FAM124A: variants seen among roughly 807,000 people sequenced by gnomAD.
FAM124A encodes protein FAM124A.
A neutral mutation model predicts 24.5 loss-of-function variants in FAM124A; 23 were observed. The ratio of observed to expected loss-of-function variants is 0.94; its 90% confidence interval spans 0.68 to 1.33. The LOEUF (loss-of-function observed/expected upper bound fraction) is 1.33. Among genes scored for constraint, FAM124A ranks in the 40% most tolerant of loss-of-function variants. The pLI, the probability that FAM124A is intolerant of heterozygous loss-of-function variation, is 0.00. For synonymous variants in FAM124A, 287 were observed against 314.7 expected, an observed-to-expected ratio of 0.91 and a Z score of 0.93; for missense variants, 623 against 722.8, an observed-to-expected ratio of 0.86 and a Z score of 1.58.
intron 3 of FAM124A, among the ~76,000 whole-genome samples, chr13:51,271,514 C>T (rs756581446): frequency 3.3e-5 from 5 of 152,102 alleles, no homozygotes; most frequent in African/African-American, 9.7e-5. Context: ...GGCCCTTGTC[C>T]GGCTGCACAT....
intron 3 of FAM124A, among the ~76,000 whole-genome samples, chr13:51,270,863 A>G (rs1011960609): frequency 6.6e-6 from 1 of 152,328 alleles, no homozygotes; most frequent in African/African-American, 2.4e-5. Flanking sequence ...AAATATATTC[A>G]ATAGTTCTCT....
At chr13:51,232,516 ATATCTGGATTTG>A (rs1317750678) in intron 2 of FAM124A, among the ~76,000 whole-genome samples, 1 of 152,192 alleles carries the variant, frequency 6.6e-6, no homozygotes, top group African/African-American at 2.4e-5. Flanking sequence ...AGATAGTTTT[ATATCTGGATTTG>A]TAATTTAGTG....
Position 51,246,407 on chromosome 13 carries a change from G to C in FAM124A, c.101-5061G>C, listed in dbSNP as rs544314446. On this transcript the variant is annotated intron_variant, in intron 2 of 3. Transcript: ENST00000322475. ...CAGAGGCATGTTTCTCGTGGGGTGG[G>C]GGGGGGTGTAACTCTAACACCTGAT... 1.6e-3 allele frequency among the ~76,000 whole-genome samples: 238 copies of C among 145,552 alleles called. 13 individuals carry two copies. The highest frequency in any genetic ancestry group is 4.7e-3 in the African/African-American group (192 of 40,660).
chr13:51,231,388 C>G lies in FAM124A; in HGVS notation c.100+9C>G. ...CCTGTCCTCCACGAGCAGTAAGTATCTTTTAAACATCCTTCAGCATTGTCT... is the reference window on the plus strand; with the variant it reads ...CCTGTCCTCCACGAGCAGTAAGTATGTTTTAAACATCCTTCAGCATTGTCT... On this transcript the variant is annotated intron_variant, in intron 2 of 3. Transcript: ENST00000322475. 1.2e-6 allele frequency: 2 copies of G among 1,613,942 alleles called. No homozygotes were observed. Among genetic ancestry groups the G allele is most frequent in the Non-Finnish European group, 1.7e-6 (2 of 1,179,942 alleles).
intron 3 of FAM124A, among the ~76,000 whole-genome samples, chr13:51,270,760 A>T (rs1216499852): frequency 2.0e-5 from 3 of 152,222 alleles, no homozygotes; most frequent in Non-Finnish European, 2.9e-5. Context: ...GGAAGGCTGG[A>T]TGGACCGTTT....
intron 2 of FAM124A, among the ~76,000 whole-genome samples, chr13:51,246,838 G>A (rs1190570555): frequency 1.3e-5 from 2 of 152,336 alleles, no homozygotes; most frequent in African/African-American, 4.8e-5. Flanking sequence ...GCACAGGGCT[G>A]AGCGCCCTGA....
intron 3 of FAM124A, among the ~76,000 whole-genome samples, chr13:51,265,970 T>C (rs17075493): frequency 0.085 from 12,889 of 152,274 alleles, 1,142 homozygotes; most frequent in East Asian, 0.24. Flanking sequence ...ACTATACAGA[T>C]TATATTACAT....
rs937374629 is a variant in FAM124A at position 51,242,498 on chromosome 13, A to G, written c.101-8970A>G. 2.0e-5 allele frequency among the ~76,000 whole-genome samples: 3 copies of G among 152,204 alleles called. No homozygotes were observed. The East Asian group carries it at 5.8e-4, about 29-fold the overall frequency. On this transcript the variant is annotated intron_variant, in intron 2 of 3. Transcript: ENST00000322475. ...TGTTTAAGTGTTTCTAGCTGCAGTTATACCTCCTCAAACTAATTACATATC... is the reference window on the plus strand; with the variant it reads ...TGTTTAAGTGTTTCTAGCTGCAGTTGTACCTCCTCAAACTAATTACATATC...
rs1453054037 is a variant in FAM124A at position 51,281,407 on chromosome 13, G to T, written c.*151G>T. On this transcript the variant is annotated 3_prime_UTR_variant, in exon 4 of 4. Transcript: ENST00000322475. ...TGCCTACCACCCACTCTTAGCTGGGGGGTGGTATATCTCTAGAGACACAGC... is the reference window on the plus strand; with the variant it reads ...TGCCTACCACCCACTCTTAGCTGGGTGGTGGTATATCTCTAGAGACACAGC... 1 of 666,558 alleles carries T rather than the reference G, an allele frequency of 1.5e-6. No individual in the cohort carries two copies. Among genetic ancestry groups the T allele is most frequent in the Non-Finnish European group, 2.4e-6 (1 of 415,806 alleles). 41.3% of individuals were successfully genotyped at this position (666,558 alleles called of 1,614,324 possible).
intron 3 of FAM124A, among the ~76,000 whole-genome samples, chr13:51,274,466 T>C (rs908262589): frequency 2.0e-5 from 3 of 152,228 alleles, no homozygotes; most frequent in African/African-American, 7.2e-5. Context: ...GGATTAGGAA[T>C]ACTCAACCTG....
At chr13:51,237,939 C>T (rs1350249372) in intron 2 of FAM124A, among the ~76,000 whole-genome samples, 1 of 152,184 alleles carries the variant, frequency 6.6e-6, no homozygotes, top group African/African-American at 2.4e-5. Flanking sequence ...TCCCACAACC[C>T]CAGGCATTGA....
rs758663391 is a variant in FAM124A, at chr13:51,280,753, C to T, written c.1138C>T (p.Gln380Ter). 1 of 1,614,212 alleles carries T rather than the reference C, an allele frequency of 6.2e-7. No homozygotes were observed. The highest frequency in any genetic ancestry group is 8.5e-7 in the Non-Finnish European group (1 of 1,180,042). The change falls in exon 4 of 4, where the codon CAG (glutamine) becomes TAG (stop). Residue 380 changes from glutamine to a stop codon, truncating the protein, a stop_gained. Transcript: ENST00000322475. LOFTEE classifies it low-confidence loss of function (END_TRUNC). ...CTCCCTGGCCTCCTCAGCTGAACCA[C>T]AGTGGTTTTCAAACACAGGTGCCCC... ...GPSLASSAEP[Q>*]WFSNTGAPGH...
Position 51,280,943 on chromosome 13 carries a change from C to A in FAM124A, c.1328C>A (p.Thr443Lys). The A allele has an allele frequency of 6.2e-7, 1 of 1,614,130 alleles. No homozygotes were observed. The highest frequency in any genetic ancestry group is 1.1e-5 in the South Asian group (1 of 91,074). ...AGTAGGTTCTGCAGCACAGTGGAGACACCCCTCCCCTCCGAAAGATGCAGC... is the reference window on the plus strand; with the variant it reads ...AGTAGGTTCTGCAGCACAGTGGAGAAACCCCTCCCCTCCGAAAGATGCAGC... The part of the protein sequence containing the change: ...APSRFCSTVE[T>K]PLPSERCSSH... Residue 443 changes from threonine (T) to lysine (K), a missense_variant, in exon 4 of 4, where the codon ACA becomes AAA. Thr to Lys is a moderately conservative substitution (Grantham distance 78). Coordinates refer to ENST00000322475, the MANE Select transcript of FAM124A (RefSeq NM_001242312.2).
At chr13:51,231,214 C>G in intron 1 of FAM124A, 134 bp from the exon 2 acceptor site, 1 of 922,402 alleles carries the variant, frequency 1.1e-6, no homozygotes, top group Admixed American at 2.0e-5. Flanking sequence ...TAAAATGAGC[C>G]TTAGCACTGC....
At chr13:51,254,477 C>G (rs1954656284) in intron 3 of FAM124A, among the ~76,000 whole-genome samples, 1 of 152,138 alleles carries the variant, frequency 6.6e-6, no homozygotes, top group Admixed American at 6.5e-5. Flanking sequence ...GGAAAGAAAG[C>G]TGTCCTCCTC....
intron 1 of FAM124A, chr13:51,227,104 A>C (rs1466758737): frequency 6.6e-6 from 1 of 152,264 alleles, no homozygotes; most frequent in Non-Finnish European, 1.5e-5. Flanking sequence ...TTTAATAAAA[A>C]TGGTGAACTC....
intron 3 of FAM124A, among the ~76,000 whole-genome samples, chr13:51,254,493 A>C (rs989651922): frequency 6.6e-6 from 1 of 152,160 alleles, no homozygotes; most frequent in Non-Finnish European, 1.5e-5. Context: ...TCCTCCTAAA[A>C]TGTATCTTCC....
chr13:51,271,602 T>TG (rs774527344), intron 3 of FAM124A, among the ~76,000 whole-genome samples: 7 of 152,054 alleles, frequency 4.6e-5, no homozygotes, highest in Non-Finnish European at 8.8e-5. Flanking sequence ...TGCTCTGGAA[T>TG]GGTTTTTTTT....
At chr13:51,226,188 A>G (rs1286580198) in intron 1 of FAM124A, among the ~76,000 whole-genome samples, 2 of 150,904 alleles carry the variant, frequency 1.3e-5, no homozygotes, top group African/African-American at 4.9e-5. Flanking sequence ...TATAAACACA[A>G]GGTCCTGCTA....
Sources: allele counts gnomAD v4.1 joint callset (sites outside exome capture counted in the v4.1 genomes callset), GRCh38; gene constraint gnomAD v4.1.1; transcripts MANE v1.5; gene names NCBI Gene and HGNC (gene_info 2026-07-23, HGNC 2026-07-21).